THSD4: variants seen among roughly 807,000 people sequenced by gnomAD.
THSD4 encodes the protein thrombospondin type-1 domain-containing protein 4.
In THSD4, 69 loss-of-function variants were observed where a neutral mutation model predicts 119.0. That is an observed-to-expected ratio of 0.58 (90% CI 0.48 to 0.71). The LOEUF (loss-of-function observed/expected upper bound fraction) is 0.71, where lower values mean the gene tolerates loss of function less well. Among genes scored for constraint, THSD4 ranks in the 30% least tolerant of loss-of-function variants. The pLI is 0.00. For synonymous variants in THSD4, 524 were observed against 540.4 expected, an observed-to-expected ratio of 0.97 and a Z score of 0.42; for missense variants, 1,393 against 1,391.1, an observed-to-expected ratio of 1.00 and a Z score of -0.02.
In THSD4 at chr15:71,215,357, G is replaced by C. The variant is rs149146765; in HGVS notation, c.422G>C (p.Arg141Pro). 1 of 1,532,066 alleles carries C rather than the reference G, an allele frequency of 6.5e-7. No individual in the cohort carries two copies. Among genetic ancestry groups the C allele is most frequent in the African/African-American group, 1.4e-5 (1 of 72,648 alleles). The allele number at this position is 1,532,066 out of a possible 1,614,324, so 94.9% of individuals were successfully genotyped here. The change falls in exon 4 of 18, where the codon CGG becomes CCG. Residue 141 changes from arginine to proline, a missense_variant. Transcript: ENST00000261862. ...GGCCCCACGGTGCTGCGAGGCAGCC[G>C]GCACCCACAGCCCCAGGGCCTCGAA... Reference protein sequence around the residue: ...RQGPTVLRGSRHPQPQGLEVT... With the variant: ...RQGPTVLRGSPHPQPQGLEVT...
chr15:71,163,326 T>C (rs1015662777), intron 3 of THSD4, among the ~76,000 whole-genome samples: 1 of 151,956 alleles, frequency 6.6e-6, no homozygotes, highest in Admixed American at 6.6e-5. Context: ...GTATTCCTCC[T>C]GAAATTACAT....
At chr15:71,625,681 C>T (rs1027512995) in intron 7 of THSD4, among the ~76,000 whole-genome samples, 1 of 152,198 alleles carries the variant, frequency 6.6e-6, no homozygotes, top group East Asian at 1.9e-4. Context: ...GCATTGGTCT[C>T]TTTTATTCAT....
chr15:71,523,327 A>G (rs978621750), intron 7 of THSD4, among the ~76,000 whole-genome samples: 1 of 151,988 alleles, frequency 6.6e-6, no homozygotes, highest in African/African-American at 2.4e-5. Context: ...GCATCCCTCC[A>G]ATCTCTGGCT....
chr15:71,262,915 G>C (rs1327625064), intron 6 of THSD4, among the ~76,000 whole-genome samples: 1 of 152,024 alleles, frequency 6.6e-6, no homozygotes, highest in Non-Finnish European at 1.5e-5. Context: ...CAGGGAAAGG[G>C]AACAAGTGAC....
At chr15:71,135,840 A>G (rs891922293) in intron 1 of THSD4, among the ~76,000 whole-genome samples, 2 of 151,886 alleles carry the variant, frequency 1.3e-5, no homozygotes, top group Non-Finnish European at 2.9e-5. Flanking sequence ...TTCCACCTCC[A>G]TGCTTGCCCC....
chr15:71,324,133 T>C (rs2045310326), intron 6 of THSD4, among the ~76,000 whole-genome samples: 1 of 152,120 alleles, frequency 6.6e-6, no homozygotes, highest in Non-Finnish European at 1.5e-5. Flanking sequence ...TGTATCTGTT[T>C]ATATATTGGG....
chr15:71,505,802 G>A (rs1451804608), intron 7 of THSD4, among the ~76,000 whole-genome samples: 1 of 152,192 alleles, frequency 6.6e-6, no homozygotes, highest in South Asian at 2.1e-4. Flanking sequence ...ATACCCATGC[G>A]ATTAATAGTA....
At chr15:71,588,951 G>T (rs979723183) in intron 7 of THSD4, among the ~76,000 whole-genome samples, 2 of 152,208 alleles carry the variant, frequency 1.3e-5, no homozygotes, top group Non-Finnish European at 2.9e-5. Flanking sequence ...TGACAATTTG[G>T]TCAGGGAGGT....
intron 6 of THSD4, among the ~76,000 whole-genome samples, chr15:71,291,479 T>G (rs1238414535): frequency 6.6e-6 from 1 of 152,152 alleles, no homozygotes; most frequent in African/African-American, 2.4e-5. Flanking sequence ...AGTTCAAGTC[T>G]GAAGGCAGGA....
In THSD4 at chr15:71,558,641, T is replaced by A. The variant is rs796087895; in HGVS notation, c.1153-101889T>A. 2.2e-4 allele frequency among the ~76,000 whole-genome samples: 33 copies of A among 152,262 alleles called. 1 individual carries two copies. The East Asian group carries it at 2.5e-3, about 12-fold the overall frequency. On this transcript the variant is annotated intron_variant, in intron 7 of 17. Transcript: ENST00000261862. ...ATGCCACCACATCTGGCTAATTTTT[T>A]AAAATTTTTTGTAGAGATGGGGTCT...
intron 7 of THSD4, chr15:71,547,259 G>C: frequency 7.0e-7 from 1 of 1,418,732 alleles, no homozygotes; most frequent in Non-Finnish European, 9.2e-7. Context: ...AGCTCGAAGC[G>C]CCGGGCAGTA....
chr15:71,698,134 G>C (rs1176180404), intron 8 of THSD4, among the ~76,000 whole-genome samples: 1 of 152,114 alleles, frequency 6.6e-6, no homozygotes, highest in East Asian at 1.9e-4. Flanking sequence ...TTTGGTACTT[G>C]TCACTTCCTG....
intron 7 of THSD4, among the ~76,000 whole-genome samples, chr15:71,531,979 A>C (rs1343675449): frequency 1.3e-5 from 2 of 152,120 alleles, no homozygotes; most frequent in Non-Finnish European, 2.9e-5. Flanking sequence ...TTAAGCTTTT[A>C]CTGCAAGGTC....
intron 6 of THSD4, among the ~76,000 whole-genome samples, chr15:71,386,454 C>CA (rs1198822248): frequency 1.3e-5 from 2 of 151,910 alleles, no homozygotes; most frequent in Admixed American, 1.3e-4. Flanking sequence ...GGAGGTGCTG[C>CA]AAATACCATG....
intron 7 of THSD4, among the ~76,000 whole-genome samples, chr15:71,592,644 G>A (rs948542055): frequency 3.3e-5 from 5 of 151,860 alleles, no homozygotes; most frequent in African/African-American, 1.2e-4. Flanking sequence ...AGATAGGTCT[G>A]GGAACCCAAT....
At chr15:71,378,504 C>A (rs1472818279) in intron 6 of THSD4, among the ~76,000 whole-genome samples, 1 of 152,182 alleles carries the variant, frequency 6.6e-6, no homozygotes, top group Admixed American at 6.5e-5. Context: ...ATGAGAAAGA[C>A]AAGGTCCCAT....
At chr15:71,677,001 T>C (rs2051665622) in intron 8 of THSD4, among the ~76,000 whole-genome samples, 1 of 152,226 alleles carries the variant, frequency 6.6e-6, no homozygotes, top group Non-Finnish European at 1.5e-5. Flanking sequence ...GGTAACTCTA[T>C]ATTTAACTTT....
chr15:71,602,606 C>T (rs962556776), intron 7 of THSD4, among the ~76,000 whole-genome samples: 1 of 150,912 alleles, frequency 6.6e-6, no homozygotes, highest in Non-Finnish European at 1.5e-5. Flanking sequence ...GTCTCTATCC[C>T]CACAGCAATC....
At chr15:71,314,243 T>C (rs2045154876) in intron 6 of THSD4, among the ~76,000 whole-genome samples, 1 of 152,192 alleles carries the variant, frequency 6.6e-6, no homozygotes, top group South Asian at 2.1e-4. Flanking sequence ...AAGGAACTTA[T>C]CTCAAAACTT....
Sources: gnomAD v4.1 joint callset for allele counts (sites outside exome capture counted in the v4.1 genomes callset) on GRCh38, gnomAD v4.1.1 for gene constraint, MANE v1.5 for transcripts, NCBI Gene and HGNC (gene_info 2026-07-23, HGNC 2026-07-21) for gene names.